The following CSMD1 variants were observed in gnomAD, a reference collection of about 807,000 sequenced individuals.
CSMD1 encodes the protein CUB and Sushi multiple domains 1.
In CSMD1, 213 loss-of-function variants were observed where a neutral mutation model predicts 417.5. The observed-to-expected ratio is 0.51, with a 90% CI of 0.46 to 0.57. The LOEUF (loss-of-function observed/expected upper bound fraction) is 0.57, where lower values mean the gene tolerates loss of function less well. CSMD1 is among the 20% of genes least tolerant of loss of function. CSMD1 has a pLI of 0.00. For missense variants in CSMD1, 6,923 were observed against 4,529.7 expected (o/e 1.53, Z -15.17); for synonymous variants, 2,862 against 1,736.8 (o/e 1.65, Z -16.11).
At chr8:4,647,018 A>G (rs751817272) in intron 1 of CSMD1, among the ~76,000 whole-genome samples, 7 of 152,174 alleles carry the variant, frequency 4.6e-5, no homozygotes, top group Non-Finnish European at 1.0e-4. Flanking sequence ...AGGTGCTGAC[A>G]CGGCCCTCCT....
At chr8:4,530,442 G>C (rs1471336276) in intron 2 of CSMD1, among the ~76,000 whole-genome samples, 1 of 145,196 alleles carries the variant, frequency 6.9e-6, no homozygotes, top group Non-Finnish European at 1.5e-5. Flanking sequence ...CCATCATCTA[G>C]GTTTTAATCC....
At chr8:4,585,977 A>C (rs998044042) in intron 2 of CSMD1, among the ~76,000 whole-genome samples, 1 of 152,220 alleles carries the variant, frequency 6.6e-6, no homozygotes, top group Non-Finnish European at 1.5e-5. Context: ...ATAATTTGAA[A>C]ATTAATTCAA....
chr8:4,548,895 T>C (rs766438370), intron 2 of CSMD1, among the ~76,000 whole-genome samples: 3 of 152,154 alleles, frequency 2.0e-5, no homozygotes, highest in East Asian at 1.9e-4. Flanking sequence ...TTAAAATACA[T>C]TTAGAATCCT....
At chr8:4,705,821 T>A (rs968648820) in intron 1 of CSMD1, among the ~76,000 whole-genome samples, 5 of 152,164 alleles carry the variant, frequency 3.3e-5, no homozygotes, top group African/African-American at 1.2e-4. Context: ...GAAAGATTAT[T>A]CTATGAGCCA....
chr8:3,372,700 T>A (rs905698522), intron 18 of CSMD1, among the ~76,000 whole-genome samples: 1 of 152,136 alleles, frequency 6.6e-6, no homozygotes, highest in Non-Finnish European at 1.5e-5. Flanking sequence ...AGGCAGGCGT[T>A]CAGCTTTGGA....
intron 5 of CSMD1, among the ~76,000 whole-genome samples, chr8:3,760,107 A>G (rs972081468): frequency 3.3e-5 from 5 of 152,078 alleles, no homozygotes; most frequent in African/African-American, 1.2e-4. Context: ...GAAGTGAGAA[A>G]AAGAGTAAAA....
chr8:3,083,700 G>C (rs573010854), intron 49 of CSMD1, among the ~76,000 whole-genome samples: 14 of 120,870 alleles, frequency 1.2e-4, no homozygotes, highest in African/African-American at 3.6e-4. Context: ...CTGTCTCCCA[G>C]GCTGGAGTGC....
chr8:4,583,227 G>GGACT (rs1353212383), intron 2 of CSMD1, among the ~76,000 whole-genome samples: 1 of 152,238 alleles, frequency 6.6e-6, no homozygotes, highest in Non-Finnish European at 1.5e-5. Context: ...CACGGCACAG[G>GGACT]GACTGGCAGG....
chr8:3,274,734 G>C (rs913017396), intron 26 of CSMD1, among the ~76,000 whole-genome samples: 8 of 152,056 alleles, frequency 5.3e-5, no homozygotes, highest in Non-Finnish European at 1.2e-4. Context: ...TGTTTTATGA[G>C]AGACTAGGAT....
At chr8:3,795,292 G>A (rs190167941) in intron 5 of CSMD1, among the ~76,000 whole-genome samples, 1,375 of 51,918 alleles carry the variant, frequency 0.026, 525 homozygotes, top group African/African-American at 0.098. Context: ...TATATATCAT[G>A]TACAGATATA....
Position 4,944,773 on chromosome 8 carries a change from G to A in CSMD1, c.85+49559C>T, listed in dbSNP as rs1205374150. ...GCAACTGTTGGCGAGGATGTAAAGG[G>A]ATGGCAAACCCGCTGCACTCTTGGT... On this transcript the variant is annotated intron_variant, in intron 1 of 69. Coordinates refer to ENST00000635120, the MANE Select transcript of CSMD1 (RefSeq NM_033225.6). 2.6e-5 allele frequency among the ~76,000 whole-genome samples: 4 copies of A among 152,068 alleles called. No individual in the cohort carries two copies. In the South Asian group the frequency reaches 8.3e-4, roughly 32 times the overall value.
intron 18 of CSMD1, among the ~76,000 whole-genome samples, chr8:3,386,884 A>G (rs1202189270): frequency 1.3e-5 from 2 of 152,348 alleles, no homozygotes; most frequent in East Asian, 1.9e-4. Flanking sequence ...AACTGTTATT[A>G]TAACTACACA....
intron 5 of CSMD1, among the ~76,000 whole-genome samples, chr8:3,988,026 C>T (rs376330835): frequency 1.3e-5 from 2 of 152,202 alleles, no homozygotes; most frequent in African/African-American, 2.4e-5. Context: ...ACTTTCAACA[C>T]ACAGCTATTA....
chr8:4,141,135 A>G (rs1310242246), intron 3 of CSMD1, among the ~76,000 whole-genome samples: 2 of 151,206 alleles, frequency 1.3e-5, no homozygotes, highest in Non-Finnish European at 2.9e-5. Flanking sequence ...TTCCTCCAAG[A>G]GAGCTCCAAT....
At chr8:4,941,918 T>C (rs1194682481) in intron 1 of CSMD1, among the ~76,000 whole-genome samples, 1 of 152,176 alleles carries the variant, frequency 6.6e-6, no homozygotes, top group African/African-American at 2.4e-5. Flanking sequence ...AATTTGATGA[T>C]GCTAAATTTG....
In CSMD1 at chr8:4,027,286, A is replaced by G. The variant is rs936418684; in HGVS notation, c.610+4619T>C. 3.3e-5 allele frequency among the ~76,000 whole-genome samples: 5 copies of G among 152,148 alleles called. No homozygotes were observed. In the South Asian group the frequency reaches 8.3e-4, roughly 25 times the overall value. On this transcript the variant is annotated intron_variant, in intron 4 of 69. Coordinates refer to ENST00000635120, the MANE Select transcript of CSMD1 (RefSeq NM_033225.6). ...TGTTAGGATGAAGATGGATGTTAGG[A>G]GAGAGTGAGTCAGGAGTAGAAAGTA...
intron 1 of CSMD1, among the ~76,000 whole-genome samples, chr8:4,800,197 G>A (rs1188957231): frequency 6.6e-6 from 1 of 152,112 alleles, no homozygotes; most frequent in Non-Finnish European, 1.5e-5. Flanking sequence ...CCAGCACGTT[G>A]GGAAGCCAAG....
intron 3 of CSMD1, among the ~76,000 whole-genome samples, chr8:4,097,941 T>G (rs1303837417): frequency 6.6e-6 from 1 of 152,188 alleles, no homozygotes; most frequent in Non-Finnish European, 1.5e-5. Flanking sequence ...AAAGTTAATT[T>G]CTGTTTGATC....
intron 10 of CSMD1, among the ~76,000 whole-genome samples, chr8:3,547,709 T>C (rs1331292305): frequency 6.6e-6 from 1 of 152,212 alleles, no homozygotes; most frequent in African/African-American, 2.4e-5. Flanking sequence ...AGCCTACCTA[T>C]ATGAAAAACA....
Sources: allele counts gnomAD v4.1 joint callset (sites outside exome capture counted in the v4.1 genomes callset), GRCh38; gene constraint gnomAD v4.1.1; transcripts MANE v1.5; gene names NCBI Gene and HGNC (gene_info 2026-07-23, HGNC 2026-07-21).